SH3PXD2A: variants seen among roughly 807,000 people sequenced by gnomAD.
The protein encoded by SH3PXD2A is SH3 and PX domain-containing protein 2A.
SH3PXD2A carries 32 observed loss-of-function variants against 115.2 expected under a neutral mutation model. That is an observed-to-expected ratio of 0.28 (90% CI 0.21 to 0.37). SH3PXD2A has a LOEUF of 0.37. Ranked by LOEUF, SH3PXD2A falls within the 10% of genes least tolerant of loss-of-function variation. The probability of loss-of-function intolerance (pLI) is 1.00; values close to 1 mark genes in which losing one functional copy is unlikely to be tolerated. For synonymous variants in SH3PXD2A, 610 were observed against 629.1 expected, an observed-to-expected ratio of 0.97 and a Z score of 0.45; for missense variants, 1,328 against 1,498.7, an observed-to-expected ratio of 0.89 and a Z score of 1.88.
At chr10:103,753,711 A>G (rs1469726377) in intron 3 of SH3PXD2A, 1 of 152,194 alleles carries the variant, frequency 6.6e-6, no homozygotes, top group African/African-American at 2.4e-5. Context: ...ATCTGGCAGA[A>G]GTATATGCTT....
At chr10:103,749,826 G>A (rs910429969) in intron 3 of SH3PXD2A, 1 of 152,234 alleles carries the variant, frequency 6.6e-6, no homozygotes, top group African/African-American at 2.4e-5. Context: ...TAAGGATGCT[G>A]AAGCAGCACT....
At chr10:103,845,573 T>A (rs1241970756) in intron 1 of SH3PXD2A, among the ~76,000 whole-genome samples, 1 of 152,168 alleles carries the variant, frequency 6.6e-6, no homozygotes, top group African/African-American at 2.4e-5. Flanking sequence ...TAGCATATCA[T>A]CAGGAAATAA....
intron 1 of SH3PXD2A, among the ~76,000 whole-genome samples, chr10:103,843,142 C>A (rs1420058033): frequency 6.6e-6 from 1 of 152,142 alleles, no homozygotes; most frequent in African/African-American, 2.4e-5. Context: ...TTATTATACC[C>A]ATTTTACTTA....
At position 103,617,263 on chromosome 10, in the gene SH3PXD2A, A is replaced by G; in HGVS notation, c.854T>C (p.Ile285Thr). The G allele has an allele frequency of 6.2e-7, 1 of 1,614,142 alleles. No homozygotes were observed. The highest frequency in any genetic ancestry group is 8.5e-7 in the Non-Finnish European group (1 of 1,179,968). ...CACTGTGACGCCCTTCTCAAAGCCA[A>G]TCTCGTCCTTGCTTTGGCTGGTGTA... ...QPYTSQSKDE[I>T]GFEKGVTVEV... is the part of the protein sequence containing the mutation. The change falls in exon 11 of 15, where the codon ATT becomes ACT. Residue 285 changes from isoleucine (I) to threonine (T), a missense_variant. Ile to Thr is a moderately conservative substitution (Grantham distance 89). Coordinates refer to ENST00000369774, the MANE Select transcript of SH3PXD2A (RefSeq NM_001394015.1).
At chr10:103,658,688 G>A (rs1447370127) in intron 8 of SH3PXD2A, among the ~76,000 whole-genome samples, 1 of 152,222 alleles carries the variant, frequency 6.6e-6, no homozygotes, top group Non-Finnish European at 1.5e-5. Context: ...CTGAGCAGCT[G>A]TCTCTACCAA....
chr10:103,774,692 T>C (rs1482498021), intron 2 of SH3PXD2A, among the ~76,000 whole-genome samples: 1 of 152,244 alleles, frequency 6.6e-6, no homozygotes, highest in Non-Finnish European at 1.5e-5. Context: ...CAAGTAATGG[T>C]TAATCACCTC....
In SH3PXD2A at chr10:103,718,760, GACACAC is replaced by G. The variant is rs55844048; in HGVS notation, c.398+5504_398+5509del. On this transcript the variant is annotated intron_variant, in intron 5 of 14. Coordinates refer to ENST00000369774, the MANE Select transcript of SH3PXD2A (RefSeq NM_001394015.1). Reference sequence around the variant, plus strand: ...TGCTCCCCTCCCTCCCCCCAATCAGGACACACACACACACACACACACACACACACA... The same window carrying G: ...TGCTCCCCTCCCTCCCCCCAATCAGGACACACACACACACACACACACACA... Among the ~76,000 whole-genome samples, 390 of 128,416 alleles carry G rather than the reference GACACAC, an allele frequency of 3.0e-3. 3 individuals are homozygous for G. The highest frequency in any genetic ancestry group is 9.9e-3 in the African/African-American group (335 of 33,790). 84.2% of individuals were successfully genotyped at this position (128,416 alleles called of 152,430 possible). A position where few individuals can be genotyped will look rare whatever the true frequency, so the allele number is the denominator to read the frequency against.
At chr10:103,765,227 G>A (rs1403664656) in intron 3 of SH3PXD2A, among the ~76,000 whole-genome samples, 1 of 152,184 alleles carries the variant, frequency 6.6e-6, no homozygotes, top group African/African-American at 2.4e-5. Context: ...GGTAGCGGCA[G>A]TACACAAGCC....
chr10:103,828,220 C>T (rs1164627240), intron 1 of SH3PXD2A, among the ~76,000 whole-genome samples: 1 of 152,200 alleles, frequency 6.6e-6, no homozygotes, highest in South Asian at 2.1e-4. Context: ...AGTTAGTAAG[C>T]GAGTGTGAGT....
intron 5 of SH3PXD2A, among the ~76,000 whole-genome samples, chr10:103,722,295 C>T (rs1177404748): frequency 2.2e-5 from 3 of 133,532 alleles, no homozygotes; most frequent in Admixed American, 7.5e-5. Flanking sequence ...CAGAGCGAGA[C>T]TCTGTCTCAA....
Position 103,627,106 on chromosome 10 carries a change from G to C in SH3PXD2A, c.701C>G (p.Thr234Ser). 6 of 1,606,116 alleles carry C rather than the reference G, an allele frequency of 3.7e-6. No homozygotes were observed. Among genetic ancestry groups the C allele is most frequent in the Non-Finnish European group, 5.1e-6 (6 of 1,172,690 alleles). ...NGTRDDSDIN[T>S]SKTGEVSKRR... ...GCCCTCACCTTCTCCAGTCTTAGAG[G>C]TGTTGATGTCGGAGTCATCCCGAGT... The change falls in exon 9 of 15, where the codon ACC (threonine) becomes AGC (serine). Residue 234 changes from threonine to serine, a missense_variant. Around this residue, in one of 5 missense-constraint regions of SH3PXD2A, gnomAD observed 509 missense variants for 628.3 expected, o/e 0.81. Coordinates refer to ENST00000369774, the MANE Select transcript of SH3PXD2A (RefSeq NM_001394015.1). This position sits in a 1 kb window ranked among gnomAD's most constrained non-coding sequence, Gnocchi z 4.4.
rs1259792348 is a variant in SH3PXD2A at position 103,678,724 on chromosome 10, C to A, written c.428-10072G>T. ...ATTCCTTCCCTGATGGAGGATATTT[C>A]ATGTGCATCTCCTAGTGTCAGGAAC... On this transcript the variant is annotated intron_variant, in intron 6 of 14. Coordinates refer to ENST00000369774, the MANE Select transcript of SH3PXD2A (RefSeq NM_001394015.1). 2.6e-5 allele frequency among the ~76,000 whole-genome samples: 4 copies of A among 152,170 alleles called. No homozygotes were observed. The South Asian group carries it at 8.3e-4, about 31-fold the overall frequency.
intron 6 of SH3PXD2A, among the ~76,000 whole-genome samples, chr10:103,675,711 G>C (rs1433411394): frequency 2.6e-5 from 4 of 152,194 alleles, no homozygotes; most frequent in Admixed American, 2.6e-4. Flanking sequence ...CTTCACAACA[G>C]TCTGTAATTT....
intron 8 of SH3PXD2A, among the ~76,000 whole-genome samples, chr10:103,651,678 A>G (rs914346912): frequency 6.6e-6 from 1 of 152,226 alleles, no homozygotes; most frequent in African/African-American, 2.4e-5. Context: ...TCTTGCCAAG[A>G]TGTTTTATAG....
intron 1 of SH3PXD2A, among the ~76,000 whole-genome samples, chr10:103,821,992 C>T (rs989048456): frequency 6.6e-6 from 1 of 152,108 alleles, no homozygotes; most frequent in African/African-American, 2.4e-5. Context: ...CAACCTCTGC[C>T]TCCTGGGTTC....
intron 3 of SH3PXD2A, among the ~76,000 whole-genome samples, chr10:103,742,585 C>G (rs1435906803): frequency 6.6e-6 from 1 of 152,216 alleles, no homozygotes; most frequent in African/African-American, 2.4e-5. Context: ...GGGAGAGTCA[C>G]AGGGCATACC....
intron 7 of SH3PXD2A, among the ~76,000 whole-genome samples, chr10:103,667,198 C>T (rs1444382554): frequency 6.6e-6 from 1 of 152,156 alleles, no homozygotes; most frequent in Non-Finnish European, 1.5e-5. Flanking sequence ...GCCCACACTG[C>T]CTCCCCTGGG....
At chr10:103,621,643 C>T (rs150963823) in intron 10 of SH3PXD2A, among the ~76,000 whole-genome samples, 5 of 152,356 alleles carry the variant, frequency 3.3e-5, no homozygotes, top group South Asian at 2.1e-4. Context: ...CTGCTCCATG[C>T]GGGGCTGGCC....
intron 2 of SH3PXD2A, among the ~76,000 whole-genome samples, chr10:103,771,396 G>C (rs1353209568): frequency 6.6e-6 from 1 of 152,136 alleles, no homozygotes; most frequent in Non-Finnish European, 1.5e-5. Context: ...TTTCCCCCAA[G>C]AACCGTTTCT....
Sources: allele counts gnomAD v4.1 joint callset (sites outside exome capture counted in the v4.1 genomes callset), GRCh38; gene constraint gnomAD v4.1.1; regional missense constraint gnomAD v4.1.1; non-coding constraint Gnocchi (gnomAD v3.1); transcripts MANE v1.5; gene names NCBI Gene and HGNC (gene_info 2026-07-23, HGNC 2026-07-21).